The following DENND1B variants were observed in gnomAD, a reference collection of about 807,000 sequenced individuals.
The protein encoded by DENND1B is DENN domain-containing protein 1B.
In DENND1B, 59 loss-of-function variants were observed where a neutral mutation model predicts 90.1. The ratio of observed to expected loss-of-function variants is 0.65; its 90% CI spans 0.53 to 0.81. The LOEUF (loss-of-function observed/expected upper bound fraction) is 0.81. DENND1B is among the 40% of genes least tolerant of loss of function. The pLI is 0.00. For synonymous variants in DENND1B, 337 were observed against 324.6 expected, an observed-to-expected ratio of 1.04 and a Z score of -0.41; for missense variants, 862 against 912.6, an observed-to-expected ratio of 0.94 and a Z score of 0.71.
intron 14 of DENND1B, among the ~76,000 whole-genome samples, chr1:197,588,344 A>G (rs904676519): frequency 1.3e-5 from 2 of 152,212 alleles, no homozygotes; most frequent in Admixed American, 6.5e-5. Flanking sequence ...CAAGTTCTAT[A>G]TATTGTACCG....
chr1:197,623,228 T>C (rs1484255084), intron 10 of DENND1B, among the ~76,000 whole-genome samples: 7 of 151,448 alleles, frequency 4.6e-5, no homozygotes, highest in Admixed American at 4.0e-4. Context: ...CCTCACCTGA[T>C]TTTTAACTGA....
chr1:197,635,094 G>C (rs545955176), intron 10 of DENND1B, among the ~76,000 whole-genome samples: 9 of 152,286 alleles, frequency 5.9e-5, no homozygotes, highest in African/African-American at 2.2e-4. Flanking sequence ...GGTTTACAAA[G>C]AAACTTTCAT....
At chr1:197,746,287 C>T (rs1290184866) in intron 2 of DENND1B, among the ~76,000 whole-genome samples, 5 of 152,064 alleles carry the variant, frequency 3.3e-5, no homozygotes, top group African/African-American at 9.7e-5. Context: ...CCCAGCTACT[C>T]GGGAGGCTGA....
At chr1:197,628,556 C>T (rs78633372) in intron 10 of DENND1B, among the ~76,000 whole-genome samples, 2 of 151,160 alleles carry the variant, frequency 1.3e-5, no homozygotes, top group Non-Finnish European at 3.0e-5. Context: ...AACGTTAGAC[C>T]TAAAACCATA....
At chr1:197,592,067 C>T (rs1675271429) in intron 14 of DENND1B, among the ~76,000 whole-genome samples, 2 of 129,678 alleles carry the variant, frequency 1.5e-5, no homozygotes, top group Admixed American at 1.9e-4. Context: ...TGAGATCACA[C>T]CACTGCACTC....
In DENND1B at chr1:197,642,686, C is replaced by G; in HGVS notation, c.672+25G>C. On this transcript the variant is annotated intron_variant, in intron 10 of 22. Coordinates refer to ENST00000620048, the MANE Select transcript of DENND1B (RefSeq NM_001195215.2). ...TTTGTGAAACACTCAATACCTGCTA[C>G]TTAAAAGAAGTGTGAAGTACTTACA... The G allele has an allele frequency of 1.9e-6, 3 of 1,561,674 alleles. No homozygotes were observed. In the East Asian group the frequency reaches 6.8e-5, roughly 35 times the overall value.
intron 2 of DENND1B, chr1:197,733,994 G>T (rs1662394311): frequency 8.4e-6 from 6 of 711,168 alleles, no homozygotes; most frequent in African/African-American, 1.9e-5. Flanking sequence ...GCAACTAAAA[G>T]ATACATTCAA....
chr1:197,544,844 G>T (rs1177083326), intron 18 of DENND1B, among the ~76,000 whole-genome samples: 2 of 145,346 alleles, frequency 1.4e-5, no homozygotes, highest in Non-Finnish European at 3.0e-5. Context: ...AGAGGAGGAA[G>T]AAGAGGAAGA....
intron 20 of DENND1B, among the ~76,000 whole-genome samples, chr1:197,516,793 T>C (rs1668430252): frequency 6.6e-6 from 1 of 151,788 alleles, no homozygotes; most frequent in Non-Finnish European, 1.5e-5. Context: ...ATTAAAAACA[T>C]GCATATTAAC....
At chr1:197,767,366 A>T (rs1006147913) in intron 2 of DENND1B, among the ~76,000 whole-genome samples, 1 of 152,138 alleles carries the variant, frequency 6.6e-6, no homozygotes, top group African/African-American at 2.4e-5. Context: ...AAATGCAAAA[A>T]GTAAGTTTAG....
intron 18 of DENND1B, 135 bp downstream of exon 18, chr1:197,545,787 G>C (rs1670768004): frequency 1.4e-6 from 1 of 700,156 alleles, no homozygotes; most frequent in Non-Finnish European, 2.3e-6. Flanking sequence ...ATTTGCTTTG[G>C]TCAATATTAA....
At chr1:197,529,203 G>GATATATATATATAT (rs71131771) in intron 20 of DENND1B, among the ~76,000 whole-genome samples, 3 of 117,368 alleles carry the variant, frequency 2.6e-5, no homozygotes, top group Admixed American at 8.6e-5. Flanking sequence ...AGTTAAGAGT[G>GATATATATATATAT]ATATATATAT....
At chr1:197,768,152 T>C (rs1362755624) in intron 2 of DENND1B, among the ~76,000 whole-genome samples, 1 of 151,334 alleles carries the variant, frequency 6.6e-6, no homozygotes, top group Non-Finnish European at 1.5e-5. Context: ...CCACCTCCTT[T>C]TCCTCCTCCT....
rs145335071 is a variant in DENND1B, at chr1:197,565,179, T to C, written c.1150-12067A>G. ...GAATCACTATCATGAAAAAGAATAA[T>C]AGGAAAATGTAGAAATCTGTAACAA... On this transcript the variant is annotated intron_variant, in intron 15 of 22. Transcript: ENST00000620048. Among the ~76,000 whole-genome samples the C allele has an allele frequency of 3.9e-5, 6 of 152,148 alleles. No homozygotes were observed. The East Asian group carries it at 1.2e-3, about 29-fold the overall frequency.
At chr1:197,713,952 C>CATATATTATATG (rs1660358188) in intron 3 of DENND1B, among the ~76,000 whole-genome samples, 1 of 2,864 alleles carries the variant, frequency 3.5e-4, no homozygotes, top group Non-Finnish European at 8.2e-4. Flanking sequence ...TACATATACA[C>CATATATTATATG]CAATAATAAA....
intron 1 of DENND1B, among the ~76,000 whole-genome samples, chr1:197,773,297 T>A (rs952176750): frequency 6.6e-6 from 1 of 152,238 alleles, no homozygotes; most frequent in Non-Finnish European, 1.5e-5. Flanking sequence ...TTTTATCTTA[T>A]TGGATCAAAT....
At chr1:197,530,809 A>G (rs1372566944) in intron 20 of DENND1B, among the ~76,000 whole-genome samples, 1 of 152,172 alleles carries the variant, frequency 6.6e-6, no homozygotes, top group Non-Finnish European at 1.5e-5. Flanking sequence ...CTGGGAAAAT[A>G]ACTTGTATTA....
intron 2 of DENND1B, among the ~76,000 whole-genome samples, chr1:197,722,399 T>C (rs1271668936): frequency 6.6e-6 from 1 of 152,156 alleles, no homozygotes; most frequent in African/African-American, 2.4e-5. Flanking sequence ...CTTTCTAAAA[T>C]ATGCTGCTGC....
chr1:197,525,768 G>A (rs572999944), intron 20 of DENND1B, among the ~76,000 whole-genome samples: 2 of 152,124 alleles, frequency 1.3e-5, no homozygotes, highest in Admixed American at 6.5e-5. Flanking sequence ...TCACACATAA[G>A]TAGAGTATTA....
Sources: allele counts gnomAD v4.1 joint callset (sites outside exome capture counted in the v4.1 genomes callset), GRCh38; gene constraint gnomAD v4.1.1; transcripts MANE v1.5; gene names NCBI Gene and HGNC (gene_info 2026-07-23, HGNC 2026-07-21).